The following MAPK10 variants were observed in gnomAD, a reference collection of about 807,000 sequenced individuals.
The protein encoded by MAPK10 is JNK3 alpha protein kinase.
Under a neutral mutation model 59.3 loss-of-function variants are expected in MAPK10, and 25 were observed. The observed-to-expected ratio is 0.42, with a 90% CI of 0.31 to 0.59. The LOEUF (loss-of-function observed/expected upper bound fraction) is 0.59, where lower values mean the gene tolerates loss of function less well. Among genes scored for constraint, MAPK10 ranks in the 20% least tolerant of loss-of-function variants. The pLI is 0.15. For synonymous variants in MAPK10, 190 were observed against 200.5 expected (o/e 0.95, Z 0.44); for missense variants, 351 against 568.9 (o/e 0.62, Z 3.90).
At chr4:86,510,096 A>T (rs958225746) in intron 1 of MAPK10, among the ~76,000 whole-genome samples, 2 of 152,146 alleles carry the variant, frequency 1.3e-5, no homozygotes, top group African/African-American at 4.8e-5. Context: ...TAAATCTTTG[A>T]TAAATAAGCT....
chr4:86,367,216 A>G lies in MAPK10; in HGVS notation c.-121-12572T>C, dbSNP rs966401243. Reference sequence around the variant, plus strand: ...TGATAAAAAGCAAGCAAAATTAGCAAAATTATGGAACTGAATCAATAGAAC... The same window carrying G: ...TGATAAAAAGCAAGCAAAATTAGCAGAATTATGGAACTGAATCAATAGAAC... On this transcript the variant is annotated intron_variant, in intron 1 of 13. Coordinates refer to the MAPK10 transcript ENST00000361569. 4.3e-4 allele frequency among the ~76,000 whole-genome samples: 65 copies of G among 152,164 alleles called. 1 individual carries two copies. The highest frequency in any genetic ancestry group is 1.5e-5 in the Non-Finnish European group (1 of 68,024).
intron 1 of MAPK10, among the ~76,000 whole-genome samples, chr4:86,464,709 C>A (rs1321258562): frequency 6.6e-6 from 1 of 151,958 alleles, no homozygotes; most frequent in African/African-American, 2.4e-5. Context: ...AGTCCCAGCT[C>A]CTCAGGAGGC....
At chr4:86,352,887 T>A (rs919121421) in intron 2 of MAPK10, among the ~76,000 whole-genome samples, 1 of 152,202 alleles carries the variant, frequency 6.6e-6, no homozygotes, top group Non-Finnish European at 1.5e-5. Context: ...GTCTAAGAGA[T>A]CCTTCATGGC....
In MAPK10 at chr4:86,155,464, T is replaced by C. The variant is rs145023722; in HGVS notation, c.236+3834A>G. ...ATGTATATATAATATATAATAATCG[T>C]ATATTGGTATTACATATTCATTACA... On this transcript the variant is annotated intron_variant, in intron 4 of 13. Transcript: ENST00000641462. Among the ~76,000 whole-genome samples the C allele has an allele frequency of 6.0e-3, 905 of 151,954 alleles. 8 individuals are homozygous for C. Among genetic ancestry groups the C allele is most frequent in the African/African-American group, 0.021 (857 of 41,496 alleles).
At chr4:86,249,977 A>G (rs1368110633) in intron 2 of MAPK10, among the ~76,000 whole-genome samples, 1 of 152,176 alleles carries the variant, frequency 6.6e-6, no homozygotes, top group Non-Finnish European at 1.5e-5. Flanking sequence ...AAAAAGCCTC[A>G]TGTCTAAAAA....
At chr4:86,262,035 A>G (rs932137992) in intron 2 of MAPK10, among the ~76,000 whole-genome samples, 8 of 152,214 alleles carry the variant, frequency 5.3e-5, no homozygotes, top group Non-Finnish European at 1.2e-4. Flanking sequence ...ATTTAATATA[A>G]CTGCTATGAT....
In MAPK10 at chr4:86,060,427, C is replaced by T. The variant is rs117854959; in HGVS notation, c.1110+3839G>A. Among the ~76,000 whole-genome samples the T allele has an allele frequency of 8.6e-4, 131 of 152,206 alleles. 1 individual carries two copies. In the East Asian group the frequency reaches 0.018, roughly 20 times the overall value. On this transcript the variant is annotated intron_variant, in intron 11 of 13. Transcript: ENST00000641462. ...AGCTATTTAAAAAAAATAGTTACAG[C>T]TTATGTTCCTCTTCTTCTGTGCCCT...
chr4:86,556,704 A>C (rs1379904987), intron 1 of MAPK10, among the ~76,000 whole-genome samples: 1 of 152,184 alleles, frequency 6.6e-6, no homozygotes, highest in Non-Finnish European at 1.5e-5. Flanking sequence ...TGAGCAAAGG[A>C]AAAATATGTT....
At chr4:86,384,451 T>C (rs1741195405) in intron 1 of MAPK10, among the ~76,000 whole-genome samples, 1 of 152,184 alleles carries the variant, frequency 6.6e-6, no homozygotes, top group African/African-American at 2.4e-5. Context: ...CCAGAAGGCT[T>C]GGTAAGGACT....
intron 13 of MAPK10, chr4:86,023,897 T>G (rs2148903239): frequency 7.0e-6 from 1 of 142,690 alleles, no homozygotes; most frequent in African/African-American, 2.6e-5. Flanking sequence ...ACCAGGCGAT[T>G]ATGATAGCAT....
intron 1 of MAPK10, among the ~76,000 whole-genome samples, chr4:86,574,985 T>C (rs969981900): frequency 1.1e-4 from 17 of 152,348 alleles, no homozygotes; most frequent in African/African-American, 4.1e-4. Flanking sequence ...TATGAGGATG[T>C]ATTTGAATGA....
chr4:86,525,461 C>G (rs1176145790), intron 1 of MAPK10, among the ~76,000 whole-genome samples: 1 of 152,130 alleles, frequency 6.6e-6, no homozygotes, highest in East Asian at 1.9e-4. Flanking sequence ...TTTAACCCCA[C>G]CCACACCCTA....
intron 2 of MAPK10, among the ~76,000 whole-genome samples, chr4:86,288,020 G>A (rs528573558): frequency 1.3e-5 from 2 of 152,112 alleles, no homozygotes; most frequent in Non-Finnish European, 2.9e-5. Context: ...AAATGGTATG[G>A]TGGAGAAAGA....
intron 6 of MAPK10, chr4:86,102,961 G>A: frequency 2.7e-6 from 1 of 371,502 alleles, no homozygotes; most frequent in Non-Finnish European, 4.8e-6. Flanking sequence ...AAAGGAGGCA[G>A]AATGTCTTTC....
intron 1 of MAPK10, among the ~76,000 whole-genome samples, chr4:86,573,767 T>A (rs970813857): frequency 6.6e-6 from 1 of 152,156 alleles, no homozygotes; most frequent in Non-Finnish European, 1.5e-5. Flanking sequence ...TTCACCAATG[T>A]TTTATAGTTT....
intron 1 of MAPK10, among the ~76,000 whole-genome samples, chr4:86,495,234 G>A (rs1348562753): frequency 6.6e-6 from 1 of 152,078 alleles, no homozygotes; most frequent in Non-Finnish European, 1.5e-5. Context: ...TTACATAGCT[G>A]TTATTAAAGG....
intron 2 of MAPK10, among the ~76,000 whole-genome samples, chr4:86,227,921 G>T (rs2090931085): frequency 6.6e-6 from 1 of 152,158 alleles, no homozygotes; most frequent in Non-Finnish European, 1.5e-5. Context: ...CATGAAGGAA[G>T]AAGTCCGTAC....
chr4:86,021,211 T>C (rs1746574556), intron 13 of MAPK10, among the ~76,000 whole-genome samples: 1 of 151,076 alleles, frequency 6.6e-6, no homozygotes, highest in South Asian at 2.1e-4. Flanking sequence ...AACCTTGAGC[T>C]AGATACACAG....
intron 1 of MAPK10, among the ~76,000 whole-genome samples, chr4:86,540,484 A>G (rs1219599464): frequency 6.6e-6 from 1 of 152,202 alleles, no homozygotes; most frequent in Non-Finnish European, 1.5e-5. Flanking sequence ...TAGGCAACAG[A>G]GTGAGACCCT....
Sources: gnomAD v4.1 joint callset for allele counts (sites outside exome capture counted in the v4.1 genomes callset) on GRCh38, gnomAD v4.1.1 for gene constraint, MANE v1.5 for transcripts, NCBI Gene and HGNC (gene_info 2026-07-23, HGNC 2026-07-21) for gene names.